ADAMTSL1: variants seen among roughly 807,000 people sequenced by gnomAD.
ADAMTSL1 encodes the protein ADAMTS-like protein 1.
Under a neutral mutation model 201.8 loss-of-function variants are expected in ADAMTSL1, and 126 were observed. That is an observed-to-expected ratio of 0.62 (90% CI 0.54 to 0.72). The LOEUF is 0.72. ADAMTSL1 is among the 30% of genes least tolerant of loss of function. ADAMTSL1 has a pLI of 0.00. For missense variants in ADAMTSL1, 2,679 were observed against 2,277.8 expected, an observed-to-expected ratio of 1.18 and a Z score of -3.59; for synonymous variants, 1,121 against 903.4, an observed-to-expected ratio of 1.24 and a Z score of -4.32.
chr9:18,646,265 C>T (rs963277177), intron 7 of ADAMTSL1, among the ~76,000 whole-genome samples: 12 of 152,098 alleles, frequency 7.9e-5, no homozygotes, highest in African/African-American at 2.7e-4. Flanking sequence ...GCTGAAGTTG[C>T]TTATCAGCTT....
At chr9:18,447,589 T>C (rs910194962) in intron 2 of ADAMTSL1, among the ~76,000 whole-genome samples, 2 of 152,180 alleles carry the variant, frequency 1.3e-5, no homozygotes, top group Non-Finnish European at 2.9e-5. Flanking sequence ...ATCAGGCTGT[T>C]AGAGGCACCT....
chr9:18,846,831 A>G (rs1826147961), intron 23 of ADAMTSL1, among the ~76,000 whole-genome samples: 1 of 152,216 alleles, frequency 6.6e-6, no homozygotes, highest in Non-Finnish European at 1.5e-5. Context: ...ATAGATTAAC[A>G]TGAGAAGGGA....
intron 1 of ADAMTSL1, among the ~76,000 whole-genome samples, chr9:17,918,760 T>C (rs1202477151): frequency 6.6e-6 from 1 of 151,932 alleles, no homozygotes; most frequent in African/African-American, 2.4e-5. Flanking sequence ...GTATCAATTA[T>C]TGAGAAAGGG....
intron 3 of ADAMTSL1, among the ~76,000 whole-genome samples, chr9:18,564,310 C>G (rs1419312353): frequency 6.6e-6 from 1 of 152,164 alleles, no homozygotes; most frequent in East Asian, 1.9e-4. Context: ...GACGCACCAC[C>G]CTGCTTGGGC....
At chr9:18,201,541 T>C (rs75960436) in intron 2 of ADAMTSL1, among the ~76,000 whole-genome samples, 1,790 of 152,206 alleles carry the variant, frequency 0.012, 49 homozygotes, top group African/African-American at 0.041. Flanking sequence ...CCTTCCCTAC[T>C]ATACAATATT....
chr9:18,321,751 C>G (rs1033809612), intron 2 of ADAMTSL1, among the ~76,000 whole-genome samples: 1 of 152,112 alleles, frequency 6.6e-6, no homozygotes, highest in African/African-American at 2.4e-5. Flanking sequence ...CGAGATCACA[C>G]CACAGCACTC....
intron 1 of ADAMTSL1, among the ~76,000 whole-genome samples, chr9:18,475,666 C>G (rs965346632): frequency 6.6e-6 from 1 of 152,000 alleles, no homozygotes; most frequent in Non-Finnish European, 1.5e-5. Flanking sequence ...GTGGAGCAAG[C>G]GATTTATGAA....
At chr9:18,192,722 TAAG>T (rs1563798850) in intron 2 of ADAMTSL1, among the ~76,000 whole-genome samples, 1 of 152,088 alleles carries the variant, frequency 6.6e-6, no homozygotes, top group Non-Finnish European at 1.5e-5. Flanking sequence ...GTACTGTTTA[TAAG>T]AAGAATTAAT....
chr9:18,261,766 A>G (rs908800534), intron 2 of ADAMTSL1, among the ~76,000 whole-genome samples: 1 of 152,192 alleles, frequency 6.6e-6, no homozygotes, highest in African/African-American at 2.4e-5. Flanking sequence ...TAAAAGCAAG[A>G]AGAGAACTAT....
intron 2 of ADAMTSL1, among the ~76,000 whole-genome samples, chr9:18,364,195 G>T (rs1836658736): frequency 6.6e-6 from 1 of 152,052 alleles, no homozygotes; most frequent in Non-Finnish European, 1.5e-5. Flanking sequence ...TCAGAGTGGA[G>T]ACTCCTTCAT....
chr9:18,900,381 G>A (rs1829936171), intron 26 of ADAMTSL1, among the ~76,000 whole-genome samples: 1 of 152,140 alleles, frequency 6.6e-6, no homozygotes, highest in Admixed American at 6.5e-5. Context: ...ATTCATCAAA[G>A]ATCTAGAGGC....
At chr9:18,250,212 G>A (rs572174785) in intron 2 of ADAMTSL1, among the ~76,000 whole-genome samples, 1 of 152,114 alleles carries the variant, frequency 6.6e-6, no homozygotes, top group Non-Finnish European at 1.5e-5. Flanking sequence ...TTTTTTCAAT[G>A]GGCATTTTAA....
intron 20 of ADAMTSL1, among the ~76,000 whole-genome samples, chr9:18,812,905 T>C (rs567184284): frequency 6.6e-6 from 1 of 152,178 alleles, no homozygotes; most frequent in African/African-American, 2.4e-5. Context: ...CCATGCTGTT[T>C]GGGTTACTGT....
At chr9:17,940,612 A>G (rs1242254726) in intron 1 of ADAMTSL1, among the ~76,000 whole-genome samples, 1 of 151,734 alleles carries the variant, frequency 6.6e-6, no homozygotes, top group East Asian at 1.9e-4. Context: ...GAAATGCAAG[A>G]TGGGAGCCAA....
intron 3 of ADAMTSL1, among the ~76,000 whole-genome samples, chr9:18,545,395 C>T (rs150703175): frequency 1.3e-5 from 2 of 152,218 alleles, no homozygotes; most frequent in East Asian, 1.9e-4. Flanking sequence ...GACTAATTCT[C>T]ATTTAGTAAA....
intron 23 of ADAMTSL1, among the ~76,000 whole-genome samples, chr9:18,875,152 CTCTT>C (rs1828073842): frequency 6.6e-6 from 1 of 152,078 alleles, no homozygotes; most frequent in Non-Finnish European, 1.5e-5. Context: ...TGAATCTTCT[CTCTT>C]CTTGGTTAAC....
chr9:18,883,030 G>C (rs943043994), intron 23 of ADAMTSL1, among the ~76,000 whole-genome samples: 4 of 149,466 alleles, frequency 2.7e-5, no homozygotes, highest in Non-Finnish European at 1.5e-5. Flanking sequence ...GGTCAGGTAA[G>C]AGCTGGGTCA....
At chr9:17,928,982 A>G (rs1826666689) in intron 1 of ADAMTSL1, among the ~76,000 whole-genome samples, 1 of 152,006 alleles carries the variant, frequency 6.6e-6, no homozygotes, top group Non-Finnish European at 1.5e-5. Flanking sequence ...AGTTATGTAG[A>G]CTTCCTGAGT....
At chr9:18,051,487 A>T (rs1420329693) in intron 1 of ADAMTSL1, among the ~76,000 whole-genome samples, 1 of 152,040 alleles carries the variant, frequency 6.6e-6, no homozygotes, top group Non-Finnish European at 1.5e-5. Flanking sequence ...ATCAGCCCCT[A>T]AAGTTGGGTC....
Sources: gnomAD v4.1 joint callset for allele counts (sites outside exome capture counted in the v4.1 genomes callset) on GRCh38, gnomAD v4.1.1 for gene constraint, MANE v1.5 for transcripts, NCBI Gene and HGNC (gene_info 2026-07-23, HGNC 2026-07-21) for gene names.